TANK: variants seen among roughly 807,000 people sequenced by gnomAD.
The protein encoded by TANK is TRAF family member associated NFKB activator.
TANK carries 15 observed loss-of-function variants against 43.6 expected under a neutral mutation model. The observed-to-expected ratio is 0.34, with a 90% CI of 0.23 to 0.53. TANK has a LOEUF of 0.53. TANK is among the 20% of genes least tolerant of loss of function. The probability of loss-of-function intolerance (pLI) is 0.94; values close to 1 mark genes in which losing one functional copy is unlikely to be tolerated. For missense variants in TANK, 417 were observed against 498.6 expected, an observed-to-expected ratio of 0.84 and a Z score of 1.56; for synonymous variants, 162 against 178.2, an observed-to-expected ratio of 0.91 and a Z score of 0.73.
intron 4 of TANK, chr2:161,208,147 G>A (rs1686729140): frequency 1.0e-6 from 1 of 984,836 alleles, no homozygotes; most frequent in Admixed American, 6.2e-5. Flanking sequence ...GGATGTTTGA[G>A]AAGGGAAAGA....
At chr2:161,233,778 A>G (rs918199476) in intron 7 of TANK, among the ~76,000 whole-genome samples, 9 of 152,060 alleles carry the variant, frequency 5.9e-5, no homozygotes, top group African/African-American at 2.2e-4. Flanking sequence ...ACTATTTTAT[A>G]TAAATAAGAA....
At chr2:161,222,781 ATTGT>A (rs1025999848) in intron 4 of TANK, 17 of 152,146 alleles carry the variant, frequency 1.1e-4, no homozygotes, top group African/African-American at 2.2e-4. Flanking sequence ...AAAATCACAA[ATTGT>A]TTGTATTGGC....
chr2:161,210,043 C>T (rs1282230187), intron 4 of TANK, among the ~76,000 whole-genome samples: 4 of 152,020 alleles, frequency 2.6e-5, no homozygotes, highest in South Asian at 2.1e-4. Context: ...AAGTAAATGA[C>T]GAGTGCAGTT....
intron 1 of TANK, among the ~76,000 whole-genome samples, chr2:161,172,012 A>AAGAT (rs1313876532): frequency 6.6e-6 from 1 of 152,216 alleles, no homozygotes; most frequent in Non-Finnish European, 1.5e-5. Context: ...GGTAGAGTAG[A>AAGAT]AGATACTTAA....
chr2:161,226,000 G>A (rs565660140), intron 6 of TANK, among the ~76,000 whole-genome samples: 46 of 152,068 alleles, frequency 3.0e-4, no homozygotes, highest in Non-Finnish European at 5.6e-4. Flanking sequence ...TTGATCTTTT[G>A]TATGGACTAA....
intron 3 of TANK, 63 bp from the exon 4 acceptor site, chr2:161,204,611 CT>C: frequency 6.7e-7 from 1 of 1,501,752 alleles, no homozygotes; most frequent in South Asian, 1.2e-5. Flanking sequence ...TTATTTTTTG[CT>C]TTTTCAGGTG....
At chr2:161,209,315 GA>G (rs1351311843) in intron 4 of TANK, among the ~76,000 whole-genome samples, 5 of 152,108 alleles carry the variant, frequency 3.3e-5, no homozygotes, top group African/African-American at 1.2e-4. Context: ...AATTATTCTT[GA>G]CAAAGACTAT....
intron 2 of TANK, among the ~76,000 whole-genome samples, chr2:161,184,235 T>C (rs189294655): frequency 9.8e-4 from 150 of 152,296 alleles, no homozygotes; most frequent in African/African-American, 3.5e-3. Context: ...TCAAAAGTTA[T>C]TGAAGGATTA....
At chr2:161,158,078 C>A (rs1026234402), upstream of TANK, among the ~76,000 whole-genome samples, 2 of 152,300 alleles carry the variant, frequency 1.3e-5, no homozygotes, top group Admixed American at 1.3e-4. Flanking sequence ...CGTGGTCTCA[C>A]TATGTTGCCC....
intron 1 of TANK, among the ~76,000 whole-genome samples, chr2:161,176,210 A>G (rs1216471040): frequency 6.6e-6 from 1 of 152,176 alleles, no homozygotes; most frequent in East Asian, 1.9e-4. Context: ...TACTTAACAA[A>G]TGCCAAAAAT....
At position 161,236,140 on chromosome 2, in the gene TANK, T is replaced by A. The variant is rs1356608576; in HGVS notation, c.*622T>A. The stretch of plus-strand genomic sequence containing the variant: ...CTTTAATTTTTACTGTGTGTATAGC[T>A]ACATGATGAAATTAATTAAATATTA... On this transcript the variant is annotated 3_prime_UTR_variant, in exon 8 of 8. Transcript: ENST00000392749. 3 of 150,568 alleles carry A rather than the reference T, an allele frequency of 2.0e-5. No homozygotes were observed. The highest frequency in any genetic ancestry group is 7.3e-5 in the African/African-American group (3 of 40,830). 9.3% of individuals were successfully genotyped at this position (150,568 alleles called of 1,614,324 possible).
rs991493558 is a variant in TANK at position 161,236,069 on chromosome 2, T to C, written c.*551T>C. 2.0e-5 allele frequency: 3 copies of C among 152,184 alleles called. No homozygotes were observed. Among genetic ancestry groups the C allele is most frequent in the African/African-American group, 7.2e-5 (3 of 41,468 alleles). The allele number at this position is 152,184 out of a possible 1,614,324, so 9.4% of individuals were successfully genotyped here. A position where few individuals can be genotyped will look rare whatever the true frequency, so the allele number is the denominator to read the frequency against. On this transcript the variant is annotated 3_prime_UTR_variant, in exon 8 of 8. Transcript: ENST00000392749. The stretch of plus-strand genomic sequence containing the variant: ...ATTTCTTGTCCAGTGATAAAACAAC[T>C]GGTAGAATTATTTAAACACTTTAGA...
chr2:161,169,883 A>G (rs1368814953), intron 1 of TANK, among the ~76,000 whole-genome samples: 2 of 152,194 alleles, frequency 1.3e-5, no homozygotes, highest in Non-Finnish European at 2.9e-5. Context: ...AAGGGAAGAC[A>G]ATATATGCTT....
At chr2:161,181,920 TAAAAA>T (rs573487274) in intron 2 of TANK, among the ~76,000 whole-genome samples, 1 of 147,888 alleles carries the variant, frequency 6.8e-6, no homozygotes, top group Admixed American at 6.7e-5. Context: ...TTTTCCCAAT[TAAAAA>T]AAAAAATTAC....
chr2:161,223,306 A>G (rs1687445312), intron 4 of TANK: 1 of 152,094 alleles, frequency 6.6e-6, no homozygotes, highest in African/African-American at 2.4e-5. Context: ...ATGTCAGAAT[A>G]GATGTAATAC....
At chr2:161,145,133 C>CTT (rs144526006) in intron 1 of TANK, among the ~76,000 whole-genome samples, 4 of 32,880 alleles carry the variant, frequency 1.2e-4, no homozygotes, top group African/African-American at 2.6e-4. Context: ...GCAACCCCTG[C>CTT]TTTTTTTTTT....
intron 6 of TANK, among the ~76,000 whole-genome samples, chr2:161,230,303 A>C (rs2105404231): frequency 6.6e-6 from 1 of 152,344 alleles, no homozygotes; most frequent in East Asian, 1.9e-4. Flanking sequence ...AATGAGCTAC[A>C]GAGGCCCTTT....
chr2:161,190,445 ACTC>A (rs1377657996), intron 2 of TANK, among the ~76,000 whole-genome samples: 1 of 152,160 alleles, frequency 6.6e-6, no homozygotes, highest in Non-Finnish European at 1.5e-5. Context: ...CAATCCTACT[ACTC>A]TTGGTTACAT....
intron 4 of TANK, chr2:161,223,209 A>C (rs752144144): frequency 3.9e-5 from 6 of 152,062 alleles, no homozygotes; most frequent in Non-Finnish European, 5.9e-5. Flanking sequence ...AAAGTACACA[A>C]CACTTTCTAG....
Sources: allele counts gnomAD v4.1 joint callset (sites outside exome capture counted in the v4.1 genomes callset), GRCh38; gene constraint gnomAD v4.1.1; transcripts MANE v1.5; gene names NCBI Gene and HGNC (gene_info 2026-07-23, HGNC 2026-07-21).